Variants in PIP5K1B observed in about 807,000 individuals in gnomAD.
The protein encoded by PIP5K1B is phosphatidylinositol-4-phosphate 5-kinase type 1 beta.
PIP5K1B carries 42 observed loss-of-function variants against 67.0 expected under a neutral mutation model. The observed-to-expected ratio is 0.63, with a 90% confidence interval of 0.49 to 0.81. The LOEUF is 0.81. Ranked by LOEUF, PIP5K1B falls within the 30% of genes least tolerant of loss-of-function variation. The pLI is 0.00. For synonymous variants in PIP5K1B, 214 were observed against 231.4 expected, an observed-to-expected ratio of 0.92 and a Z score of 0.68; for missense variants, 459 against 646.3, an observed-to-expected ratio of 0.71 and a Z score of 3.14.
chr9:68,843,507 A>G (rs1411576805), intron 4 of PIP5K1B, among the ~76,000 whole-genome samples: 1 of 152,188 alleles, frequency 6.6e-6, no homozygotes, highest in African/African-American at 2.4e-5. Context: ...ATTTCCAATC[A>G]TGCTTATTGT....
chr9:68,985,327 C>A (rs1324690267), intron 14 of PIP5K1B, among the ~76,000 whole-genome samples: 2 of 151,782 alleles, frequency 1.3e-5, no homozygotes, highest in Admixed American at 1.3e-4. Context: ...TCTCGGCTCA[C>A]TGCCACCTCC....
intron 4 of PIP5K1B, among the ~76,000 whole-genome samples, chr9:68,859,693 AG>A (rs1364709821): frequency 6.6e-6 from 1 of 152,184 alleles, no homozygotes; most frequent in African/African-American, 2.4e-5. Context: ...GGCGGCTTAG[AG>A]TTTTCAGGGA....
intron 8 of PIP5K1B, among the ~76,000 whole-genome samples, chr9:68,904,671 A>G (rs1475212085): frequency 1.3e-5 from 2 of 151,968 alleles, no homozygotes; most frequent in Non-Finnish European, 2.9e-5. Flanking sequence ...TTAGGGACTC[A>G]ATGTGTGACG....
chr9:68,850,015 C>T (rs1001660934), intron 4 of PIP5K1B, among the ~76,000 whole-genome samples: 4 of 152,126 alleles, frequency 2.6e-5, no homozygotes, highest in Non-Finnish European at 4.4e-5. Context: ...CCAGAATGAC[C>T]ATGGCTTAAG....
intron 15 of PIP5K1B, among the ~76,000 whole-genome samples, chr9:69,004,768 A>C (rs1319927380): frequency 5.9e-5 from 9 of 152,172 alleles, no homozygotes; most frequent in African/African-American, 2.2e-4. Flanking sequence ...AGTGATGGCT[A>C]ATATAGGACT....
chr9:69,003,863 G>C (rs561155625), intron 15 of PIP5K1B, among the ~76,000 whole-genome samples: 18 of 152,168 alleles, frequency 1.2e-4, no homozygotes, highest in Non-Finnish European at 2.4e-4. Flanking sequence ...TCCCCTCCAG[G>C]GGATCCGACT....
intron 14 of PIP5K1B, among the ~76,000 whole-genome samples, chr9:68,951,201 C>A (rs1828048715): frequency 6.6e-6 from 1 of 152,052 alleles, no homozygotes; most frequent in African/African-American, 2.4e-5. Flanking sequence ...TCCAGCCAGC[C>A]CTATTAAAAA....
At chr9:68,920,253 T>G (rs1053634040) in intron 11 of PIP5K1B, among the ~76,000 whole-genome samples, 2 of 152,174 alleles carry the variant, frequency 1.3e-5, no homozygotes, top group South Asian at 2.1e-4. Flanking sequence ...AAAATGCATT[T>G]CAGTGTTCAA....
chr9:68,946,549 C>T (rs1380515215), intron 14 of PIP5K1B, among the ~76,000 whole-genome samples: 4 of 151,736 alleles, frequency 2.6e-5, no homozygotes, highest in Non-Finnish European at 5.9e-5. Context: ...CGTGCCACCA[C>T]GCCCGGCTAA....
At chr9:68,862,058 G>A (rs186089434) in intron 4 of PIP5K1B, among the ~76,000 whole-genome samples, 30 of 152,218 alleles carry the variant, frequency 2.0e-4, no homozygotes, top group Admixed American at 3.3e-4. Flanking sequence ...GTAGATAGTC[G>A]TCCTCACACT....
At chr9:68,918,507 C>T (rs1329453942) in intron 9 of PIP5K1B, among the ~76,000 whole-genome samples, 1 of 152,202 alleles carries the variant, frequency 6.6e-6, no homozygotes, top group Non-Finnish European at 1.5e-5. Flanking sequence ...TGTGGTCTCT[C>T]GTCTCAGCCA....
intron 1 of PIP5K1B, among the ~76,000 whole-genome samples, chr9:68,735,660 G>A (rs1828704471): frequency 1.3e-5 from 2 of 152,180 alleles, no homozygotes; most frequent in Admixed American, 1.3e-4. Flanking sequence ...AAAGTGCTGG[G>A]ATTACAGGCA....
intron 1 of PIP5K1B, among the ~76,000 whole-genome samples, chr9:68,725,624 T>C (rs1828112730): frequency 6.6e-6 from 1 of 152,150 alleles, no homozygotes; most frequent in African/African-American, 2.4e-5. Context: ...TAAAGTCTGA[T>C]TAGAGTTCCA....
chr9:68,985,080 C>A (rs1467022879), intron 14 of PIP5K1B, among the ~76,000 whole-genome samples: 2 of 152,074 alleles, frequency 1.3e-5, no homozygotes, highest in African/African-American at 4.8e-5. Flanking sequence ...AGGTGGGGAC[C>A]CTGCAGCAAT....
chr9:68,813,509 G>T (rs1385644609), intron 2 of PIP5K1B, among the ~76,000 whole-genome samples: 1 of 152,178 alleles, frequency 6.6e-6, no homozygotes, highest in African/African-American at 2.4e-5. Context: ...AGTTTTGGTT[G>T]CAAGATTCTT....
intron 14 of PIP5K1B, among the ~76,000 whole-genome samples, chr9:68,943,665 A>AAAAAAGAAAG (rs886602748): frequency 6.6e-6 from 1 of 152,220 alleles, no homozygotes; most frequent in African/African-American, 2.4e-5. Context: ...GAAAAGAAAA[A>AAAAAAGAAAG]AAAAAGAAAG....
chr9:69,008,233 A>T (rs946989927), intron 15 of PIP5K1B, among the ~76,000 whole-genome samples: 3 of 152,190 alleles, frequency 2.0e-5, no homozygotes, highest in Non-Finnish European at 4.4e-5. Flanking sequence ...TCAGGACTCA[A>T]TCTTGATAAA....
chr9:68,816,769 A>G (rs990982137), intron 2 of PIP5K1B, among the ~76,000 whole-genome samples: 3 of 152,246 alleles, frequency 2.0e-5, no homozygotes, highest in Admixed American at 6.5e-5. Flanking sequence ...CATTTGAAGT[A>G]AGAGCTAATA....
chr9:68,897,301 T>C (rs1182531651), intron 8 of PIP5K1B, among the ~76,000 whole-genome samples: 1 of 152,224 alleles, frequency 6.6e-6, no homozygotes, highest in East Asian at 1.9e-4. Context: ...TATGCTTCTA[T>C]TCACTTATCA....
Sources: allele counts gnomAD v4.1 joint callset (sites outside exome capture counted in the v4.1 genomes callset), GRCh38; gene constraint gnomAD v4.1.1; transcripts MANE v1.5; gene names NCBI Gene and HGNC (gene_info 2026-07-23, HGNC 2026-07-21).